Variants in RBFOX1 observed in about 807,000 individuals in gnomAD.
The protein encoded by RBFOX1 is RNA binding protein fox-1 homolog 1.
A neutral mutation model predicts 57.7 loss-of-function variants in RBFOX1; 8 were observed. The observed-to-expected ratio is 0.14, with a 90% confidence interval of 0.08 to 0.25. RBFOX1 has a LOEUF of 0.25. Ranked by LOEUF, RBFOX1 falls within the 10% of genes least tolerant of loss-of-function variation. RBFOX1 has a pLI of 1.00. For synonymous variants in RBFOX1, 326 were observed against 222.4 expected (o/e 1.47, Z -4.15); for missense variants, 611 against 548.5 (o/e 1.11, Z -1.14).
intron 2 of RBFOX1, among the ~76,000 whole-genome samples, chr16:6,534,539 G>C (rs557228098): frequency 6.6e-6 from 1 of 152,256 alleles, no homozygotes; most frequent in South Asian, 2.1e-4. Context: ...AGGACATCCT[G>C]TTCACAGCAG....
chr16:6,978,173 G>C (rs543313377), intron 3 of RBFOX1, among the ~76,000 whole-genome samples: 1 of 152,226 alleles, frequency 6.6e-6, no homozygotes, highest in Admixed American at 6.5e-5. Flanking sequence ...CGGCAGTGGA[G>C]GTAATTAGCC....
intron 1 of RBFOX1, among the ~76,000 whole-genome samples, chr16:6,225,471 C>T (rs894061648): frequency 2.6e-5 from 4 of 152,130 alleles, no homozygotes; most frequent in African/African-American, 9.7e-5. Context: ...GGAATGATGT[C>T]AGTAATATAT....
intron 3 of RBFOX1, among the ~76,000 whole-genome samples, chr16:6,904,670 A>G (rs1294930612): frequency 1.4e-5 from 2 of 148,000 alleles, no homozygotes; most frequent in Non-Finnish European, 3.0e-5. Context: ...GTACCTGAGG[A>G]CTGTTTGGGG....
intron 1 of RBFOX1, among the ~76,000 whole-genome samples, chr16:6,032,648 G>A (rs2152391504): frequency 6.6e-6 from 1 of 152,194 alleles, no homozygotes; most frequent in East Asian, 1.9e-4. Context: ...AGATGTCAGT[G>A]TGCCCTTGCC....
intron 2 of RBFOX1, among the ~76,000 whole-genome samples, chr16:5,522,695 A>G (rs1358794536): frequency 6.6e-6 from 1 of 152,116 alleles, no homozygotes; most frequent in East Asian, 1.9e-4. Context: ...CCCCTCACCC[A>G]GACACAACCT....
chr16:5,705,915 C>G (rs1176899546), intron 3 of RBFOX1, among the ~76,000 whole-genome samples: 1 of 151,764 alleles, frequency 6.6e-6, no homozygotes, highest in African/African-American at 2.4e-5. Context: ...GCTTTTTTTT[C>G]TGTCTTTTTT....
chr16:5,468,239 A>G (rs922519586), intron 2 of RBFOX1, among the ~76,000 whole-genome samples: 2 of 152,172 alleles, frequency 1.3e-5, no homozygotes, highest in African/African-American at 4.8e-5. Flanking sequence ...AACAATTGAG[A>G]AGTATTTAGT....
At chr16:6,665,314 C>A (rs28752057) in intron 3 of RBFOX1, among the ~76,000 whole-genome samples, 1 of 151,926 alleles carries the variant, frequency 6.6e-6, no homozygotes, top group Non-Finnish European at 1.5e-5. Flanking sequence ...CTTAAATGGA[C>A]TAAAAAATGA....
chr16:6,469,129 C>T (rs999002314), intron 2 of RBFOX1, among the ~76,000 whole-genome samples: 1 of 152,006 alleles, frequency 6.6e-6, no homozygotes, highest in Non-Finnish European at 1.5e-5. Context: ...CAACCTGAAC[C>T]ATTGGAGTTC....
intron 4 of RBFOX1, among the ~76,000 whole-genome samples, chr16:7,077,303 A>G (rs575845960): frequency 1.7e-4 from 26 of 152,254 alleles, no homozygotes; most frequent in Non-Finnish European, 2.1e-4. Flanking sequence ...GGTGATGTCC[A>G]TGTGTAACTG....
chr16:5,988,276 T>A (rs1221924033), intron 4 of RBFOX1, among the ~76,000 whole-genome samples: 1 of 152,166 alleles, frequency 6.6e-6, no homozygotes, highest in East Asian at 1.9e-4. Flanking sequence ...TGTCTGTAAT[T>A]GAACATAATT....
chr16:7,597,330 G>T, intron 8 of RBFOX1, 41 bp from the exon 9 acceptor site: 1 of 1,461,850 alleles, frequency 6.8e-7, no homozygotes, highest in Non-Finnish European at 9.4e-7. Flanking sequence ...TTGGGAGCTG[G>T]CCCTAGAATA....
At chr16:7,200,016 A>G (rs1436898366) in intron 4 of RBFOX1, among the ~76,000 whole-genome samples, 1 of 152,266 alleles carries the variant, frequency 6.6e-6, no homozygotes, top group East Asian at 1.9e-4. Flanking sequence ...GTGGATAGTC[A>G]CAATCATAGA....
chr16:6,902,048 T>C (rs959869372), intron 3 of RBFOX1, among the ~76,000 whole-genome samples: 9 of 152,226 alleles, frequency 5.9e-5, no homozygotes, highest in South Asian at 2.1e-4. Context: ...TTACCTGACA[T>C]ATGGAAATAT....
chr16:6,892,770 GTCTCCCTCTC>G (rs1456971663), intron 3 of RBFOX1, among the ~76,000 whole-genome samples: 1,733 of 91,780 alleles, frequency 0.019, 89 homozygotes, highest in East Asian at 0.062. Flanking sequence ...AAGCCTCCCT[GTCTCCCTCTC>G]TCTCTCTCTC....
intron 4 of RBFOX1, among the ~76,000 whole-genome samples, chr16:7,147,447 G>A (rs993382951): frequency 1.3e-5 from 2 of 151,848 alleles, no homozygotes; most frequent in East Asian, 1.9e-4. Flanking sequence ...CTTGGTAGAC[G>A]GTTTTTCAAC....
chr16:6,040,950 A>G (rs1014521062), intron 1 of RBFOX1, among the ~76,000 whole-genome samples: 5 of 152,118 alleles, frequency 3.3e-5, no homozygotes, highest in Admixed American at 2.6e-4. Flanking sequence ...TGGCATATCC[A>G]TTCATCTTTT....
At chr16:6,102,053 G>A (rs750670604) in intron 1 of RBFOX1, among the ~76,000 whole-genome samples, 5 of 151,900 alleles carry the variant, frequency 3.3e-5, no homozygotes, top group African/African-American at 7.3e-5. Flanking sequence ...TGCATTGGCT[G>A]CATTTTGTTT....
At chr16:6,304,622 C>A (rs2079235074) in intron 1 of RBFOX1, among the ~76,000 whole-genome samples, 1 of 152,054 alleles carries the variant, frequency 6.6e-6, no homozygotes, top group Non-Finnish European at 1.5e-5. Flanking sequence ...GTGGTGCTTG[C>A]CTGTAATCCC....
Sources: gnomAD v4.1 joint callset for allele counts (sites outside exome capture counted in the v4.1 genomes callset) on GRCh38, gnomAD v4.1.1 for gene constraint, MANE v1.5 for transcripts, NCBI Gene and HGNC (gene_info 2026-07-23, HGNC 2026-07-21) for gene names.